The following PPP2R3A variants were observed in gnomAD, a reference collection of about 807,000 sequenced individuals.
The protein encoded by PPP2R3A is protein phosphatase 2 regulatory subunit B''alpha.
In PPP2R3A, 80 loss-of-function variants were observed where a neutral mutation model predicts 106.9. The observed-to-expected ratio is 0.75, with a 90% CI of 0.62 to 0.90. The LOEUF (loss-of-function observed/expected upper bound fraction) is 0.90. Ranked by LOEUF, PPP2R3A falls within the 40% of genes least tolerant of loss-of-function variation. The pLI is 0.00. For synonymous variants in PPP2R3A, 483 were observed against 468.3 expected, an observed-to-expected ratio of 1.03 and a Z score of -0.41; for missense variants, 1,386 against 1,350.4, an observed-to-expected ratio of 1.03 and a Z score of -0.41.
intron 10 of PPP2R3A, 99 bp from the exon 11 acceptor site, chr3:136,101,902 GAAGTGT>G: frequency 8.4e-7 from 1 of 1,194,546 alleles, no homozygotes; most frequent in South Asian, 1.7e-5. Context: ...ATCTAAGCCT[GAAGTGT>G]ATGTAATATG....
intron 2 of PPP2R3A, among the ~76,000 whole-genome samples, chr3:136,015,933 A>G (rs1199269911): frequency 6.6e-6 from 1 of 151,840 alleles, no homozygotes; most frequent in East Asian, 1.9e-4. Context: ...GGTCTTTCAG[A>G]CTTTTTGATG....
chr3:136,128,670 A>G (rs1483060185), intron 13 of PPP2R3A, among the ~76,000 whole-genome samples: 1 of 152,196 alleles, frequency 6.6e-6, no homozygotes, highest in African/African-American at 2.4e-5. Flanking sequence ...CAAGCGACCT[A>G]ATAGACATCT....
chr3:136,121,504 G>A (rs1159510153), intron 13 of PPP2R3A, among the ~76,000 whole-genome samples: 1 of 152,066 alleles, frequency 6.6e-6, no homozygotes, highest in African/African-American at 2.4e-5. Context: ...CCTGGGTGGT[G>A]AAATCATGTG....
Position 136,002,883 on chromosome 3 carries a change from C to T in PPP2R3A, c.1385C>T (p.Pro462Leu). Residue 462 changes from proline to leucine, a missense_variant, in exon 2 of 14, where the codon CCC (proline) becomes CTC (leucine). By Grantham distance (98) the Pro-to-Leu change is moderately conservative. Transcript: ENST00000264977. ...PEHATHLKKC[P>L]TPMQNEIGKI... ...CATGCTACTCATCTTAAAAAATGCC[C>T]CACCCCAATGCAAAATGAAATTGGT... 3.7e-6 allele frequency: 6 copies of T among 1,613,496 alleles called. No individual in the cohort carries two copies. The highest frequency in any genetic ancestry group is 5.1e-6 in the Non-Finnish European group (6 of 1,179,834).
intron 2 of PPP2R3A, among the ~76,000 whole-genome samples, chr3:136,013,804 TTTG>T (rs920277780): frequency 3.9e-5 from 4 of 101,528 alleles, no homozygotes; most frequent in Non-Finnish European, 1.0e-4. Context: ...CACGCTGTGG[TTTG>T]TTATTTCTTT....
chr3:136,053,009 C>T (rs1481790994), intron 5 of PPP2R3A, among the ~76,000 whole-genome samples: 1 of 152,182 alleles, frequency 6.6e-6, no homozygotes, highest in Admixed American at 6.5e-5. Context: ...GGCCATTATC[C>T]TTAGCAAACT....
intron 1 of PPP2R3A, among the ~76,000 whole-genome samples, chr3:135,996,225 C>A (rs779616425): frequency 6.6e-6 from 1 of 152,178 alleles, no homozygotes; most frequent in Non-Finnish European, 1.5e-5. Context: ...TGATTCTGGC[C>A]TCAGAAACTT....
intron 2 of PPP2R3A, among the ~76,000 whole-genome samples, chr3:136,006,055 A>G (rs572427914): frequency 6.6e-6 from 1 of 152,308 alleles, no homozygotes; most frequent in Admixed American, 6.5e-5. Context: ...ACACCTCATG[A>G]GTGGGTTCCC....
intron 4 of PPP2R3A, among the ~76,000 whole-genome samples, chr3:136,041,985 C>G (rs1461107737): frequency 3.9e-5 from 6 of 152,142 alleles, no homozygotes; most frequent in Non-Finnish European, 8.8e-5. Flanking sequence ...GCATGTTCTT[C>G]TCGCCTTTTC....
intron 1 of PPP2R3A, among the ~76,000 whole-genome samples, chr3:135,967,691 TC>T (rs767956732): frequency 1.7e-4 from 26 of 152,068 alleles, no homozygotes; most frequent in Non-Finnish European, 3.2e-4. Flanking sequence ...AGCTGAAGCT[TC>T]ACCTCTGCCC....
intron 3 of PPP2R3A, among the ~76,000 whole-genome samples, chr3:136,030,761 C>T (rs933040403): frequency 7.5e-4 from 75 of 100,386 alleles, no homozygotes; most frequent in Non-Finnish European, 1.2e-3. Context: ...TATTCCATCA[C>T]ATATATATAT....
At chr3:135,993,884 G>T (rs147704090) in intron 1 of PPP2R3A, among the ~76,000 whole-genome samples, 1 of 152,142 alleles carries the variant, frequency 6.6e-6, no homozygotes, top group Non-Finnish European at 1.5e-5. Flanking sequence ...TAGAACTGGC[G>T]AGACTTACCT....
At chr3:135,997,903 T>A (rs190179783) in intron 1 of PPP2R3A, among the ~76,000 whole-genome samples, 1 of 152,366 alleles carries the variant, frequency 6.6e-6, no homozygotes, top group East Asian at 1.9e-4. Flanking sequence ...GTCTTCAGTC[T>A]GGTTCCTATC....
At chr3:136,073,716 A>G (rs1325693857) in intron 6 of PPP2R3A, among the ~76,000 whole-genome samples, 1 of 152,212 alleles carries the variant, frequency 6.6e-6, no homozygotes, top group Non-Finnish European at 1.5e-5. Context: ...AAGTATAAAA[A>G]CGATTATCTG....
At chr3:136,125,599 C>A (rs931736009) in intron 13 of PPP2R3A, among the ~76,000 whole-genome samples, 1 of 152,072 alleles carries the variant, frequency 6.6e-6, no homozygotes, top group East Asian at 1.9e-4. Context: ...GTAATCCTGG[C>A]ACTTTGGGAG....
At chr3:136,003,996 C>T (rs1393110099) in intron 2 of PPP2R3A, among the ~76,000 whole-genome samples, 1 of 152,128 alleles carries the variant, frequency 6.6e-6, no homozygotes, top group African/African-American at 2.4e-5. Context: ...GCTTAAAATC[C>T]ACTTGTAGAG....
chr3:136,087,753 C>G, intron 8 of PPP2R3A, 130 bp from the exon 9 acceptor site: 1 of 560,394 alleles, frequency 1.8e-6, no homozygotes, highest in Non-Finnish European at 3.2e-6. Context: ...TAAAAATGTA[C>G]TCACATTCTC....
chr3:136,089,965 G>A (rs1013421679), intron 9 of PPP2R3A, among the ~76,000 whole-genome samples: 28 of 152,124 alleles, frequency 1.8e-4, no homozygotes, highest in Non-Finnish European at 3.4e-4. Flanking sequence ...TTTGTATCCC[G>A]AAACTTTAAT....
chr3:136,000,810 G>T (rs1933595497), intron 1 of PPP2R3A, among the ~76,000 whole-genome samples: 1 of 152,152 alleles, frequency 6.6e-6, no homozygotes, highest in Admixed American at 6.5e-5. Flanking sequence ...ATCATATAAG[G>T]TGGCAAGGAG....
Sources: gnomAD v4.1 joint callset for allele counts (sites outside exome capture counted in the v4.1 genomes callset) on GRCh38, gnomAD v4.1.1 for gene constraint, MANE v1.5 for transcripts, NCBI Gene and HGNC (gene_info 2026-07-23, HGNC 2026-07-21) for gene names.